COL4A3: variants seen among roughly 807,000 people sequenced by gnomAD.
COL4A3 encodes the protein collagen alpha-3(IV) chain.
COL4A3 carries 135 observed loss-of-function variants against 217.4 expected under a neutral mutation model. That is an observed-to-expected ratio of 0.62 (90% CI 0.54 to 0.72). The LOEUF is 0.72. COL4A3 is among the 30% of genes least tolerant of loss of function. COL4A3 has a pLI of 0.00. For missense variants in COL4A3, 1,868 were observed against 2,119.9 expected (o/e 0.88, Z 2.33); for synonymous variants, 690 against 736.3 (o/e 0.94, Z 1.02).
Position 227,263,944 on chromosome 2 carries a change from G to A in COL4A3, c.1315G>A (p.Gly439Ser), listed in dbSNP as rs1553755124. The change falls in exon 21 of 52, where the codon GGT (glycine) becomes AGT (serine). Residue 439 changes from glycine to serine, a missense_variant and splice_region_variant. This residue lies in a region of COL4A3 where 1,503 missense variants were observed against 1,786.1 expected (regional missense o/e 0.84). Coordinates refer to ENST00000396578, the MANE Select transcript of COL4A3 (RefSeq NM_000091.5). Reference protein sequence around the residue: ...PGSPGPPGPPGDIVFRKGPPG... With the variant: ...PGSPGPPGPPSDIVFRKGPPG... Reference sequence around the variant, plus strand: ...ATCACCGGGACCTCCAGGACCGCCAGGTAAAGATGTGGAAGGGGACCCCTT... The same window carrying A: ...ATCACCGGGACCTCCAGGACCGCCAAGTAAAGATGTGGAAGGGGACCCCTT... The A allele has an allele frequency of 3.1e-6, 5 of 1,614,002 alleles. No homozygotes were observed. Among genetic ancestry groups the A allele is most frequent in the Non-Finnish European group, 4.2e-6 (5 of 1,179,938 alleles).
intron 28 of COL4A3, among the ~76,000 whole-genome samples, chr2:227,278,125 C>CT (rs34342727): frequency 0.67 from 101,145 of 150,066 alleles, 34,256 homozygotes; most frequent in South Asian, 0.76. Flanking sequence ...GTATACATTT[C>CT]TTTTTTTTTT....
Position 227,218,080 on chromosome 2 carries a change from C to CTATATATATATATATATATATATA in COL4A3, c.88-19866_88-19865insTATATATATATATATATATATATA, listed in dbSNP as rs10606625. On this transcript the variant is annotated intron_variant, in intron 1 of 51. Transcript: ENST00000396578. ...ATATATAAAATAACTATATATATAG[C>CTATATATATATATATATATATATA]TATATATATATATATATATATAGTT... Among the ~76,000 whole-genome samples the CTATATATATATATATATATATATA allele has an allele frequency of 4.6e-4, 54 of 118,330 alleles. 1 individual carries two copies. The highest frequency in any genetic ancestry group is 8.2e-4 in the Non-Finnish European group (44 of 53,762). The allele number at this position is 118,330 out of a possible 152,430, so 77.6% of individuals were successfully genotyped here.
chr2:227,296,199 G>A (rs2073021663), intron 41 of COL4A3: 1 of 152,208 alleles, frequency 6.6e-6, no homozygotes, highest in Non-Finnish European at 1.5e-5. Context: ...TGGTTTGATT[G>A]TTCTTTCGGT....
chr2:227,177,362 A>G (rs941417607), intron 1 of COL4A3, among the ~76,000 whole-genome samples: 2 of 151,668 alleles, frequency 1.3e-5, no homozygotes, highest in Admixed American at 6.6e-5. Flanking sequence ...TGACTGTGTT[A>G]GCCAGGATGG....
At chr2:227,173,414 G>A (rs1335689940) in intron 1 of COL4A3, among the ~76,000 whole-genome samples, 2 of 152,134 alleles carry the variant, frequency 1.3e-5, no homozygotes, top group Non-Finnish European at 2.9e-5. Flanking sequence ...CAAAATGTAA[G>A]TCCCTGGCTC....
At position 227,227,527 on chromosome 2, in the gene COL4A3, C is replaced by CAA. The variant is rs1232931212; in HGVS notation, c.88-10431_88-10430dup. Among the ~76,000 whole-genome samples the CAA allele has an allele frequency of 3.5e-5, 5 of 143,172 alleles. No homozygotes were observed. The Admixed American group carries it at 3.5e-4, about 10-fold the overall frequency. 93.9% of individuals were successfully genotyped at this position (143,172 alleles called of 152,430 possible). A position where few individuals can be genotyped will look rare whatever the true frequency, so the allele number is the denominator to read the frequency against. On this transcript the variant is annotated intron_variant, in intron 1 of 51. Transcript: ENST00000396578. ...TGGGTGACAGAGCAAGACTCCATCTCAAAAAAAAAAAGAAGAAGAAGAAAT... is the reference window on the plus strand; with the variant it reads ...TGGGTGACAGAGCAAGACTCCATCTCAAAAAAAAAAAAAGAAGAAGAAGAAAT...
intron 18 of COL4A3, among the ~76,000 whole-genome samples, chr2:227,258,268 G>A (rs542172871): frequency 6.6e-6 from 1 of 152,364 alleles, no homozygotes; most frequent in African/African-American, 2.4e-5. Flanking sequence ...GAATGGTCAT[G>A]CAGGTTAAAC....
At chr2:227,248,290 T>A in intron 8 of COL4A3, 153 bp from the exon 9 acceptor site, 2 of 697,458 alleles carry the variant, frequency 2.9e-6, no homozygotes, top group Non-Finnish European at 5.2e-6. Flanking sequence ...GAATTCTTCA[T>A]AATGGAATAA....
Position 227,313,256 on chromosome 2 carries a change from C to T in COL4A3, c.*1386C>T, listed in dbSNP as rs1185309925. 1.3e-5 allele frequency: 2 copies of T among 152,612 alleles called. No homozygotes were observed. Among genetic ancestry groups the T allele is most frequent in the Admixed American group, 6.5e-5 (1 of 15,276 alleles). 9.5% of individuals were successfully genotyped at this position (152,612 alleles called of 1,614,324 possible). On this transcript the variant is annotated 3_prime_UTR_variant, in exon 52 of 52. Transcript: ENST00000396578. ...CACATATACAAGTAGCTTCCCTCCC[C>T]TCTAGTTTTTTCTTCCTTTTCACTG...
chr2:227,261,399 C>T (rs1375233689), intron 20 of COL4A3, among the ~76,000 whole-genome samples: 1 of 152,180 alleles, frequency 6.6e-6, no homozygotes, highest in Non-Finnish European at 1.5e-5. Context: ...TGGTGGCGTA[C>T]GCCTGTAATT....
chr2:227,210,695 A>C (rs2067284707), intron 1 of COL4A3, among the ~76,000 whole-genome samples: 1 of 152,278 alleles, frequency 6.6e-6, no homozygotes, highest in Non-Finnish European at 1.5e-5. Context: ...AAAGAACATA[A>C]GCAGTATAAC....
intron 2 of COL4A3, among the ~76,000 whole-genome samples, chr2:227,238,404 T>A (rs1457580824): frequency 6.6e-6 from 1 of 152,184 alleles, no homozygotes; most frequent in Non-Finnish European, 1.5e-5. Flanking sequence ...AAATAAACAT[T>A]GAAATTCACA....
At chr2:227,227,533 A>C (rs879418349) in intron 1 of COL4A3, among the ~76,000 whole-genome samples, 4 of 152,270 alleles carry the variant, frequency 2.6e-5, no homozygotes, top group East Asian at 3.9e-4. Flanking sequence ...ATCTCAAAAA[A>C]AAAAAGAAGA....
intron 5 of COL4A3, 131 bp downstream of exon 5, chr2:227,245,126 G>C: frequency 2.4e-6 from 2 of 833,438 alleles, no homozygotes; most frequent in Non-Finnish European, 4.1e-6. Flanking sequence ...ACCTTAGGAT[G>C]GTATATTATA....
intron 26 of COL4A3, among the ~76,000 whole-genome samples, chr2:227,275,856 C>T (rs776384376): frequency 1.3e-5 from 2 of 151,934 alleles, no homozygotes; most frequent in African/African-American, 2.4e-5. Context: ...TATTCACCAA[C>T]GTTTAAACTT....
intron 3 of COL4A3, among the ~76,000 whole-genome samples, chr2:227,242,248 T>A (rs951144913): frequency 1.3e-5 from 2 of 151,798 alleles, no homozygotes; most frequent in South Asian, 2.1e-4. Context: ...TGCTAAAGAG[T>A]CTCATAGAAC....
intron 28 of COL4A3, among the ~76,000 whole-genome samples, chr2:227,278,674 A>G (rs1272394560): frequency 6.6e-6 from 1 of 152,056 alleles, no homozygotes; most frequent in Non-Finnish European, 1.5e-5. Flanking sequence ...TTCTTCTTGG[A>G]CCCTGCATTA....
At chr2:227,269,256 T>C (rs530793479) in intron 23 of COL4A3, among the ~76,000 whole-genome samples, 1 of 152,352 alleles carries the variant, frequency 6.6e-6, no homozygotes, top group East Asian at 1.9e-4. Context: ...TTTAAAAATT[T>C]ATTATAAAGG....
Position 227,280,439 on chromosome 2 carries a change from G to A in COL4A3, c.2224-1G>A, listed in dbSNP as rs778842816. 3.1e-6 allele frequency: 5 copies of A among 1,614,004 alleles called. No individual in the cohort carries two copies. The highest frequency in any genetic ancestry group is 4.2e-6 in the Non-Finnish European group (5 of 1,179,954). On this transcript the variant is annotated splice_acceptor_variant, in intron 29 of 51. Transcript: ENST00000396578. LOFTEE classifies it high-confidence loss of function. Reference sequence around the variant, plus strand: ...GTAATAACACAATTTCTATGCTGTAGGGAGAACCAGCAGTAGCCATGCCTG... The same window carrying A: ...GTAATAACACAATTTCTATGCTGTAAGGAGAACCAGCAGTAGCCATGCCTG...
Sources: allele counts gnomAD v4.1 joint callset (sites outside exome capture counted in the v4.1 genomes callset), GRCh38; gene constraint gnomAD v4.1.1; regional missense constraint gnomAD v4.1.1; transcripts MANE v1.5; gene names NCBI Gene and HGNC (gene_info 2026-07-23, HGNC 2026-07-21).